Variants in TRPA1 observed in about 807,000 individuals in gnomAD.
TRPA1 encodes the protein transient receptor potential cation channel subfamily A member 1.
In TRPA1, 129 loss-of-function variants were observed where a neutral mutation model predicts 131.3. The observed-to-expected ratio is 0.98, with a 90% CI of 0.85 to 1.14. The LOEUF (loss-of-function observed/expected upper bound fraction) is 1.14, where lower values mean the gene tolerates loss of function less well. TRPA1 is among the 50% of genes most tolerant of loss of function. The pLI, the probability that TRPA1 is intolerant of heterozygous loss-of-function variation, is 0.00. For missense variants in TRPA1, 1,304 were observed against 1,354.2 expected, an observed-to-expected ratio of 0.96 and a Z score of 0.58; for synonymous variants, 441 against 451.7, an observed-to-expected ratio of 0.98 and a Z score of 0.30.
intron 17 of TRPA1, chr8:72,041,432 A>G (rs2129434204): frequency 6.6e-6 from 1 of 152,152 alleles, no homozygotes; most frequent in East Asian, 1.9e-4. Context: ...TCAAGCACAC[A>G]TAGAACATTC....
the TRPA1 span, among the ~76,000 whole-genome samples, chr8:72,083,616 G>A: frequency 1.3e-5 from 2 of 151,794 alleles, no homozygotes; most frequent in South Asian, 4.2e-4. Context: ...GGTGGCAGGC[G>A]TCTGTAGTCC....
At chr8:72,066,379 T>C (rs1805932713) in intron 3 of TRPA1, among the ~76,000 whole-genome samples, 1 of 152,206 alleles carries the variant, frequency 6.6e-6, no homozygotes, top group Non-Finnish European at 1.5e-5. Context: ...CTTTTCCTCC[T>C]GCAGAAAGAC....
At chr8:72,058,163 A>AT (rs1174168644) in intron 8 of TRPA1, among the ~76,000 whole-genome samples, 1 of 152,192 alleles carries the variant, frequency 6.6e-6, no homozygotes, top group Non-Finnish European at 1.5e-5. Flanking sequence ...TTAAATGTCT[A>AT]TAATTTTAAA....
At chr8:72,060,881 G>A (rs1032169432) in intron 7 of TRPA1, among the ~76,000 whole-genome samples, 1 of 148,418 alleles carries the variant, frequency 6.7e-6, no homozygotes, top group African/African-American at 2.5e-5. Context: ...TTTTCTAAGA[G>A]ATACTGTAGA....
At chr8:72,024,676 C>T (rs1297177104) in intron 25 of TRPA1, among the ~76,000 whole-genome samples, 2 of 152,082 alleles carry the variant, frequency 1.3e-5, no homozygotes, top group Non-Finnish European at 2.9e-5. Context: ...TGGTTTTGAA[C>T]CTGCTGAATG....
At position 72,022,910 on chromosome 8, in the gene TRPA1, G is replaced by A; in HGVS notation, c.3356C>T (p.Pro1119Leu). 1 of 1,613,572 alleles carries A rather than the reference G, an allele frequency of 6.2e-7. No individual in the cohort carries two copies. The highest frequency in any genetic ancestry group is 8.5e-7 in the Non-Finnish European group (1 of 1,179,720). Residue 1119 changes from proline (P) to leucine (L), a missense_variant, in exon 27 of 27, where the codon CCT becomes CTT. Transcript: ENST00000262209. ...AVKAKTHHLE[P>L] ...CCTCACTGAAGGTCTGAGGAGCTAA[G>A]GCTCAAGATGGTGTGTTTTTGCCTT... is the stretch of plus-strand genomic sequence containing the variant.
At position 72,022,890 on chromosome 8, in the gene TRPA1, C is replaced by G; in HGVS notation, c.*16G>C. On this transcript the variant is annotated 3_prime_UTR_variant, in exon 27 of 27. Coordinates refer to ENST00000262209, the MANE Select transcript of TRPA1 (RefSeq NM_007332.3). ...CATGCACCCCCCATTAGAAGCCTCA[C>G]TGAAGGTCTGAGGAGCTAAGGCTCA... 1 of 1,611,210 alleles carries G rather than the reference C, an allele frequency of 6.2e-7. No homozygotes were observed. Among genetic ancestry groups the G allele is most frequent in the East Asian group, 2.2e-5 (1 of 44,858 alleles).
intron 12 of TRPA1, chr8:72,054,185 A>C: frequency 2.8e-6 from 1 of 355,840 alleles, no homozygotes. Context: ...ATTTTTTTAA[A>C]GCTATAATGA....
rs530978468 is a variant in TRPA1 at position 72,055,816 on chromosome 8, C to T, written c.1234G>A (p.Asp412Asn). ...GCATAATGTAGAGGAGTACACCCAT[C>T]GTTGTCTTCATCCATTACCAGCTCT... Reference protein sequence around the residue: ...IKELVMDEDNDGCTPLHYACR... With the variant: ...IKELVMDEDNNGCTPLHYACR... The change falls in exon 11 of 27, where the codon GAT (aspartate) becomes AAT (asparagine). Residue 412 changes from aspartate to asparagine, a missense_variant. By Grantham distance (23) the Asp-to-Asn change is conservative. Coordinates refer to ENST00000262209, the MANE Select transcript of TRPA1 (RefSeq NM_007332.3). The T allele has an allele frequency of 9.9e-5, 160 of 1,613,414 alleles. 1 individual carries two copies. In the Middle Eastern group the frequency reaches 1.2e-3, roughly 12 times the overall value.
intron 18 of TRPA1, among the ~76,000 whole-genome samples, chr8:72,039,349 T>C (rs1812166701): frequency 6.6e-6 from 1 of 152,054 alleles, no homozygotes. Flanking sequence ...TATTTCTACA[T>C]GTTCTATACA....
intron 25 of TRPA1, among the ~76,000 whole-genome samples, chr8:72,025,248 C>T (rs898036627): frequency 4.6e-5 from 7 of 151,884 alleles, no homozygotes; most frequent in African/African-American, 1.2e-4. Context: ...ATCATAGGGG[C>T]GGTTTCCCCC....
In TRPA1 at chr8:72,025,030, T is replaced by C. The variant is rs189906123; in HGVS notation, c.3051+930A>G. 9.8e-4 allele frequency among the ~76,000 whole-genome samples: 149 copies of C among 152,260 alleles called. 2 individuals carry two copies. Among genetic ancestry groups the C allele is most frequent in the East Asian group, 7.3e-3 (38 of 5,184 alleles). On this transcript the variant is annotated intron_variant, in intron 25 of 26. Transcript: ENST00000262209. ...TCTTCATATGGCCCTTCTTCCATTA[T>C]AATGCAATTGTCTTGCTTAGTCTTT...
Position 72,050,803 on chromosome 8 carries a change from A to G in TRPA1, c.1880T>C (p.Ile627Thr), listed in dbSNP as rs759393077. The change falls in exon 15 of 27, where the codon ATA (isoleucine) becomes ACA (threonine). Residue 627 changes from isoleucine (I) to threonine (T), a missense_variant. Physicochemically the swap from Ile to Thr is moderately conservative, Grantham distance 89 (BLOSUM62 -1). Transcript: ENST00000262209. ...CTTCATGCATTCAGGGAGGTATTCT[A>G]TCATTTCTGTAATTGGACATTTATT... ...PGNKCPITEM[I>T]EYLPECMKVL... The G allele has an allele frequency of 3.7e-6, 6 of 1,611,498 alleles. No homozygotes were observed. The South Asian group carries it at 6.6e-5, about 18-fold the overall frequency.
intron 23 of TRPA1, among the ~76,000 whole-genome samples, chr8:72,031,605 C>CA (rs1333595254): frequency 3.4e-5 from 5 of 147,644 alleles, no homozygotes; most frequent in East Asian, 4.0e-4. Context: ...AAAAAAAAAA[C>CA]AAAAAAACAA....
intron 24 of TRPA1, among the ~76,000 whole-genome samples, chr8:72,027,154 G>A (rs1391112779): frequency 6.6e-6 from 1 of 151,960 alleles, no homozygotes; most frequent in African/African-American, 2.4e-5. Flanking sequence ...CATACATATA[G>A]TTTTAGAGGT....
chr8:72,084,869 C>G, the TRPA1 span, among the ~76,000 whole-genome samples: 3 of 151,960 alleles, frequency 2.0e-5, no homozygotes, highest in Non-Finnish European at 4.4e-5. Context: ...CCAGGCTGGT[C>G]TCGAACTCCC....
chr8:72,069,768 C>A (rs1472132875), intron 2 of TRPA1, among the ~76,000 whole-genome samples: 2 of 151,692 alleles, frequency 1.3e-5, no homozygotes, highest in Non-Finnish European at 2.9e-5. Context: ...AACATATATT[C>A]ATATACCTAC....
the TRPA1 span, among the ~76,000 whole-genome samples, chr8:72,080,666 A>G: frequency 6.6e-6 from 1 of 151,772 alleles, no homozygotes; most frequent in East Asian, 1.9e-4. Context: ...TAAAGGTTTA[A>G]TAGAATTCAC....
intron 26 of TRPA1, 74 bp from the exon 27 acceptor site, chr8:72,023,190 GGTTTTAA>G: frequency 2.1e-6 from 1 of 482,030 alleles, no homozygotes; most frequent in Non-Finnish European, 2.7e-6. Flanking sequence ...GGAAGGCATA[GGTTTTAA>G]CCTCGGTCCC....
Sources: gnomAD v4.1 joint callset for allele counts (sites outside exome capture counted in the v4.1 genomes callset) on GRCh38, gnomAD v4.1.1 for gene constraint, MANE v1.5 for transcripts, NCBI Gene and HGNC (gene_info 2026-07-23, HGNC 2026-07-21) for gene names.